PCNX1: variants seen among roughly 807,000 people sequenced by gnomAD.
PCNX1 encodes pecanex 1.
Under a neutral mutation model 242.2 loss-of-function variants are expected in PCNX1, and 78 were observed. The ratio of observed to expected loss-of-function variants is 0.32; its 90% CI spans 0.27 to 0.39. The LOEUF is 0.39. Ranked by LOEUF, PCNX1 falls within the 10% of genes least tolerant of loss-of-function variation. The pLI is 1.00. For synonymous variants in PCNX1, 1,024 were observed against 1,032.9 expected, an observed-to-expected ratio of 0.99 and a Z score of 0.17; for missense variants, 2,581 against 2,856.5, an observed-to-expected ratio of 0.90 and a Z score of 2.20.
At chr14:70,937,914 T>C (rs377296830) in intron 1 of PCNX1, among the ~76,000 whole-genome samples, 2 of 152,158 alleles carry the variant, frequency 1.3e-5, no homozygotes, top group Non-Finnish European at 2.9e-5. Flanking sequence ...TGGGAGTTCA[T>C]TCATGATTTG....
chr14:70,949,296 T>TGC (rs1566608735), intron 2 of PCNX1, among the ~76,000 whole-genome samples: 1 of 145,408 alleles, frequency 6.9e-6, no homozygotes, highest in Non-Finnish European at 1.5e-5. Flanking sequence ...CACACGTGTG[T>TGC]ACACACATAT....
chr14:71,054,833 G>C (rs1230735993), intron 24 of PCNX1, among the ~76,000 whole-genome samples: 1 of 152,130 alleles, frequency 6.6e-6, no homozygotes, highest in African/African-American at 2.4e-5. Flanking sequence ...ACTTTTTATT[G>C]CTTCATTAGG....
intron 3 of PCNX1, 93 bp from the exon 4 acceptor site, chr14:70,968,105 A>T (rs901578680): frequency 2.3e-6 from 2 of 863,770 alleles, no homozygotes; most frequent in Non-Finnish European, 3.9e-6. Flanking sequence ...TGTTTTGATC[A>T]TATAATTTTG....
chr14:70,911,232 CAG>C (rs1345247223), intron 1 of PCNX1, among the ~76,000 whole-genome samples: 1 of 152,158 alleles, frequency 6.6e-6, no homozygotes, highest in African/African-American at 2.4e-5. Context: ...GGGATTTACA[CAG>C]AGCTTTCTGA....
intron 1 of PCNX1, among the ~76,000 whole-genome samples, chr14:70,930,326 T>G (rs1274027235): frequency 6.6e-6 from 1 of 152,160 alleles, no homozygotes; most frequent in East Asian, 1.9e-4. Context: ...TGGATCAAGC[T>G]GCTCATCTCT....
chr14:71,093,914 A>C (rs2062203384), intron 30 of PCNX1: 1 of 152,226 alleles, frequency 6.6e-6, no homozygotes, highest in South Asian at 2.1e-4. Context: ...TTATTATAAG[A>C]ATACAGTATA....
intron 2 of PCNX1, among the ~76,000 whole-genome samples, chr14:70,947,859 A>G (rs914945972): frequency 6.6e-6 from 1 of 152,192 alleles, no homozygotes; most frequent in Non-Finnish European, 1.5e-5. Context: ...TCTTTTTCTT[A>G]GCAAGGAGCA....
At chr14:71,047,250 C>T in intron 21 of PCNX1, 145 bp downstream of exon 21, 1 of 473,658 alleles carries the variant, frequency 2.1e-6, no homozygotes, top group Non-Finnish European at 3.6e-6. Flanking sequence ...TTGTCCTTGA[C>T]TTACCTTTTT....
chr14:71,084,042 C>T (rs2061922500), intron 28 of PCNX1, among the ~76,000 whole-genome samples: 1 of 152,148 alleles, frequency 6.6e-6, no homozygotes, highest in Non-Finnish European at 1.5e-5. Flanking sequence ...TCTGTGTGGA[C>T]ATCCTTTTGG....
chr14:71,107,916 T>G (rs2062667837), intron 33 of PCNX1, among the ~76,000 whole-genome samples: 1 of 152,240 alleles, frequency 6.6e-6, no homozygotes, highest in Non-Finnish European at 1.5e-5. Flanking sequence ...ATGATTAAAT[T>G]AAGCTAGTTA....
rs77987120 is a variant in PCNX1, at chr14:71,100,929, T to C, written c.5590-1061T>C. The stretch of plus-strand genomic sequence containing the variant: ...CTCTTTAAGCTTCAGTTTTTAAACA[T>C]GGAAAATGCAGGTATTATCAACTCA... On this transcript the variant is annotated intron_variant, in intron 30 of 35. Transcript: ENST00000304743. Among the ~76,000 whole-genome samples, 327 of 152,344 alleles carry C rather than the reference T, an allele frequency of 2.1e-3. 2 individuals are homozygous for C. The highest frequency in any genetic ancestry group is 7.3e-3 in the African/African-American group (303 of 41,592).
intron 1 of PCNX1, among the ~76,000 whole-genome samples, chr14:70,937,911 T>G (rs1192358824): frequency 6.6e-6 from 1 of 152,234 alleles, no homozygotes. Context: ...GAATGGGAGT[T>G]CATTCATGAT....
intron 1 of PCNX1, among the ~76,000 whole-genome samples, chr14:70,916,240 G>C (rs1239952316): frequency 6.6e-6 from 1 of 152,172 alleles, no homozygotes; most frequent in Non-Finnish European, 1.5e-5. Context: ...GAGTGTCGAA[G>C]AGGAATGTTC....
At chr14:70,921,538 C>G (rs2056374735) in intron 1 of PCNX1, among the ~76,000 whole-genome samples, 1 of 152,016 alleles carries the variant, frequency 6.6e-6, no homozygotes, top group Non-Finnish European at 1.5e-5. Context: ...CTAATCTTAA[C>G]AAAAATATGC....
At chr14:71,092,337 T>A (rs1385591368) in intron 30 of PCNX1, among the ~76,000 whole-genome samples, 2 of 152,226 alleles carry the variant, frequency 1.3e-5, no homozygotes, top group Non-Finnish European at 2.9e-5. Flanking sequence ...AAGGCATACC[T>A]ATGAACACTA....
chr14:71,019,032 T>G lies in PCNX1; in HGVS notation c.3020T>G (p.Val1007Gly), dbSNP rs780193327. ...FDRNREILEN[V>G]LAVILAILVA... ...AGAAATCGTGAGATCCTGGAAAATG[T>G]GTTAGCTGTCATCCTGGCTATTCTC... Residue 1007 changes from valine to glycine, a missense_variant, in exon 12 of 36, where the codon GTG becomes GGG. This residue lies in a region of PCNX1 where 55 missense variants were observed against 49.8 expected (regional missense o/e 1.10). Transcript: ENST00000304743. 6.2e-7 allele frequency: 1 copy of G among 1,612,888 alleles called. No homozygotes were observed. The highest frequency in any genetic ancestry group is 1.1e-5 in the South Asian group (1 of 90,828).
At chr14:70,932,864 G>A (rs977215134) in intron 1 of PCNX1, among the ~76,000 whole-genome samples, 3 of 151,836 alleles carry the variant, frequency 2.0e-5, no homozygotes, top group Non-Finnish European at 4.4e-5. Flanking sequence ...CGCCTGCCTC[G>A]GCCTCCCAAA....
chr14:71,031,473 C>T (rs186895952), intron 16 of PCNX1, among the ~76,000 whole-genome samples: 12 of 152,298 alleles, frequency 7.9e-5, no homozygotes, highest in East Asian at 5.8e-4. Context: ...CCTTCCTGCC[C>T]TCCCATTCTC....
intron 28 of PCNX1, among the ~76,000 whole-genome samples, chr14:71,080,497 A>G (rs543160978): frequency 2.9e-4 from 44 of 152,272 alleles, no homozygotes; most frequent in Non-Finnish European, 5.1e-4. Flanking sequence ...GATTCTTCCT[A>G]TCCATGAGCA....
Sources: allele counts gnomAD v4.1 joint callset (sites outside exome capture counted in the v4.1 genomes callset), GRCh38; gene constraint gnomAD v4.1.1; regional missense constraint gnomAD v4.1.1; transcripts MANE v1.5; gene names NCBI Gene and HGNC (gene_info 2026-07-23, HGNC 2026-07-21).